AGBL4: variants seen among roughly 807,000 people sequenced by gnomAD.
The protein encoded by AGBL4 is AGBL carboxypeptidase 4, also known as cytosolic carboxypeptidase 6.
A neutral mutation model predicts 66.4 loss-of-function variants in AGBL4; 58 were observed. That is an observed-to-expected ratio of 0.87 (90% CI 0.71 to 1.09). The LOEUF is 1.09. AGBL4 is among the 50% of genes least tolerant of loss of function. The pLI is 0.00. For synonymous variants in AGBL4, 234 were observed against 222.9 expected (o/e 1.05, Z -0.44); for missense variants, 579 against 631.0 (o/e 0.92, Z 0.88).
chr1:49,984,101 C>G (rs1407053415), intron 1 of AGBL4, among the ~76,000 whole-genome samples: 1 of 152,200 alleles, frequency 6.6e-6, no homozygotes, highest in Non-Finnish European at 1.5e-5. Flanking sequence ...TCAGGCACTC[C>G]TATACTTAAC....
intron 1 of AGBL4, among the ~76,000 whole-genome samples, chr1:50,007,150 T>C (rs923972330): frequency 6.6e-6 from 1 of 152,186 alleles, no homozygotes; most frequent in Non-Finnish European, 1.5e-5. Flanking sequence ...TAAGTTGTCA[T>C]TAGTTTAAAA....
At chr1:49,134,349 T>C (rs1426456779) in intron 4 of AGBL4, among the ~76,000 whole-genome samples, 3 of 152,072 alleles carry the variant, frequency 2.0e-5, no homozygotes, top group Non-Finnish European at 4.4e-5. Context: ...CCGGTCTGAC[T>C]AGAATTTGCC....
chr1:49,427,003 A>T (rs1645674641), intron 3 of AGBL4, among the ~76,000 whole-genome samples: 1 of 152,196 alleles, frequency 6.6e-6, no homozygotes, highest in African/African-American at 2.4e-5. Context: ...AGGACACACA[A>T]CTTTCCTCTC....
intron 1 of AGBL4, among the ~76,000 whole-genome samples, chr1:50,004,979 A>G (rs1315406976): frequency 6.6e-6 from 1 of 152,090 alleles, no homozygotes; most frequent in Non-Finnish European, 1.5e-5. Flanking sequence ...CAATTCCAGG[A>G]ATGTAGAGCA....
At chr1:49,164,059 G>T (rs893292962) in intron 4 of AGBL4, among the ~76,000 whole-genome samples, 3 of 152,118 alleles carry the variant, frequency 2.0e-5, no homozygotes, top group Non-Finnish European at 4.4e-5. Context: ...GAATTTTATA[G>T]GTTGTGTGCA....
chr1:48,948,145 G>A (rs1656679935), intron 5 of AGBL4, among the ~76,000 whole-genome samples: 2 of 152,272 alleles, frequency 1.3e-5, no homozygotes, highest in Middle Eastern at 3.4e-3. Flanking sequence ...AATGTACAAA[G>A]GGATACCTAG....
chr1:49,160,674 T>C (rs1443863590), intron 4 of AGBL4, among the ~76,000 whole-genome samples: 1 of 152,168 alleles, frequency 6.6e-6, no homozygotes, highest in Non-Finnish European at 1.5e-5. Flanking sequence ...CCAGGTGCTC[T>C]TTCCCAGGGA....
chr1:49,782,523 AGGAGG>A (rs1398865431), intron 2 of AGBL4, among the ~76,000 whole-genome samples: 1 of 152,206 alleles, frequency 6.6e-6, no homozygotes, highest in Non-Finnish European at 1.5e-5. Context: ...GTGATGTACT[AGGAGG>A]TAGCATCTTT....
At position 49,697,340 on chromosome 1, in the gene AGBL4, A is replaced by G. The variant is rs1184799202; in HGVS notation, c.255T>C (p.Phe85=). The G allele has an allele frequency of 5.2e-6, 8 of 1,547,228 alleles. No individual in the cohort carries two copies. The highest frequency in any genetic ancestry group is 2.4e-5 in the East Asian group (1 of 40,898). The change falls in exon 3 of 14, where the codon TTT becomes TTC. Residue 85 remains phenylalanine, a synonymous_variant. Coordinates refer to ENST00000371839, the MANE Select transcript of AGBL4 (RefSeq NM_032785.4). Reference sequence around the variant, plus strand: ...GTGATTCTTTCACATTTTCAACAGTAAAGTTGAACCAGACTCGGAAGCGTG... The same window carrying G: ...GTGATTCTTTCACATTTTCAACAGTGAAGTTGAACCAGACTCGGAAGCGTG... ...CNPRFRVWFN[F]TVENVKESQR...
chr1:48,581,408 T>A (rs1236616470), intron 11 of AGBL4, among the ~76,000 whole-genome samples: 1 of 152,194 alleles, frequency 6.6e-6, no homozygotes, highest in East Asian at 1.9e-4. Context: ...TGGAAACCAG[T>A]CTGCTCAGGA....
chr1:49,152,897 A>T (rs1646364804), intron 4 of AGBL4, among the ~76,000 whole-genome samples: 1 of 152,180 alleles, frequency 6.6e-6, no homozygotes, highest in Non-Finnish European at 1.5e-5. Flanking sequence ...ATATTAGTTT[A>T]AGGTAAAGGG....
At chr1:49,099,930 A>G (rs1005221735) in intron 4 of AGBL4, among the ~76,000 whole-genome samples, 9 of 152,300 alleles carry the variant, frequency 5.9e-5, no homozygotes, top group Admixed American at 5.2e-4. Flanking sequence ...TATGCACACA[A>G]GCATTCATTC....
At chr1:48,971,268 T>A (rs1658879005) in intron 5 of AGBL4, among the ~76,000 whole-genome samples, 1 of 152,058 alleles carries the variant, frequency 6.6e-6, no homozygotes, top group African/African-American at 2.4e-5. Flanking sequence ...GAGAACCCTA[T>A]TGTGAACTGC....
At chr1:49,544,955 A>C (rs1276928636) in intron 3 of AGBL4, among the ~76,000 whole-genome samples, 1 of 152,196 alleles carries the variant, frequency 6.6e-6, no homozygotes, top group Non-Finnish European at 1.5e-5. Flanking sequence ...TTCATTACTT[A>C]TTTACATAAT....
At chr1:49,939,299 TG>T (rs1448119192) in intron 1 of AGBL4, among the ~76,000 whole-genome samples, 7 of 151,208 alleles carry the variant, frequency 4.6e-5, no homozygotes, top group African/African-American at 1.7e-4. Flanking sequence ...ATAGATTCAA[TG>T]CCATCCCCAT....
At chr1:49,831,932 C>T (rs1174031567) in intron 2 of AGBL4, among the ~76,000 whole-genome samples, 2 of 151,706 alleles carry the variant, frequency 1.3e-5, no homozygotes, top group African/African-American at 2.4e-5. Context: ...ATATGTTGAA[C>T]CAGCCTTGCA....
intron 1 of AGBL4, among the ~76,000 whole-genome samples, chr1:49,868,941 A>C (rs2148107633): frequency 6.6e-6 from 1 of 152,300 alleles, no homozygotes; most frequent in East Asian, 1.9e-4. Flanking sequence ...AAAAGTGGGC[A>C]AAGGGCATGA....
At chr1:49,821,674 T>C (rs1645374272) in intron 2 of AGBL4, among the ~76,000 whole-genome samples, 1 of 152,224 alleles carries the variant, frequency 6.6e-6, no homozygotes, top group African/African-American at 2.4e-5. Context: ...TTTAACTTTC[T>C]TTTCTAGTCA....
At chr1:48,966,573 C>T (rs1658439567) in intron 5 of AGBL4, among the ~76,000 whole-genome samples, 1 of 152,124 alleles carries the variant, frequency 6.6e-6, no homozygotes, top group Admixed American at 6.5e-5. Flanking sequence ...CCATTTTATT[C>T]TCTTTATTTT....
Sources: allele counts gnomAD v4.1 joint callset (sites outside exome capture counted in the v4.1 genomes callset), GRCh38; gene constraint gnomAD v4.1.1; transcripts MANE v1.5; gene names NCBI Gene and HGNC (gene_info 2026-07-23, HGNC 2026-07-21).